Variants in KHDRBS2 observed in about 807,000 individuals in gnomAD.
KHDRBS2 encodes the protein KH domain-containing, RNA-binding, signal transduction-associated protein 2.
In KHDRBS2, 26 loss-of-function variants were observed where a neutral mutation model predicts 44.3. The ratio of observed to expected loss-of-function variants is 0.59; its 90% CI spans 0.43 to 0.81. The LOEUF (loss-of-function observed/expected upper bound fraction) is 0.81. KHDRBS2 is among the 40% of genes least tolerant of loss of function. KHDRBS2 has a pLI of 0.00. For synonymous variants in KHDRBS2, 194 were observed against 151.1 expected, an observed-to-expected ratio of 1.28 and a Z score of -2.08; for missense variants, 476 against 433.1, an observed-to-expected ratio of 1.10 and a Z score of -0.88.
intron 2 of KHDRBS2, among the ~76,000 whole-genome samples, chr6:62,175,631 T>G (rs1820936760): frequency 6.6e-6 from 1 of 151,632 alleles, no homozygotes; most frequent in Non-Finnish European, 1.5e-5. Context: ...TTAAAAATTA[T>G]AAGAGAGACA....
At chr6:61,642,517 C>A in the KHDRBS2 span, among the ~76,000 whole-genome samples, 1 of 147,190 alleles carries the variant, frequency 6.8e-6, no homozygotes, top group East Asian at 2.0e-4. Context: ...AAAAGGTTAG[C>A]CGGGCATGGT....
intron 2 of KHDRBS2, among the ~76,000 whole-genome samples, chr6:62,054,634 C>T (rs917432747): frequency 2.0e-5 from 3 of 151,882 alleles, no homozygotes; most frequent in South Asian, 2.1e-4. Flanking sequence ...AGCATGGGCT[C>T]GAGGGATACA....
chr6:61,589,719 A>G, the KHDRBS2 span, among the ~76,000 whole-genome samples: 2 of 152,264 alleles, frequency 1.3e-5, no homozygotes, highest in Admixed American at 1.3e-4. Flanking sequence ...TCCTTGCCCC[A>G]AGTATTTGGT....
At chr6:61,722,624 C>G (rs1772833328) in intron 7 of KHDRBS2, among the ~76,000 whole-genome samples, 1 of 152,054 alleles carries the variant, frequency 6.6e-6, no homozygotes, top group African/African-American at 2.4e-5. Context: ...AATTCAAAAT[C>G]AGCATTTCTT....
At chr6:61,712,835 T>G (rs1404663086) in intron 7 of KHDRBS2, among the ~76,000 whole-genome samples, 1 of 151,746 alleles carries the variant, frequency 6.6e-6, no homozygotes, top group Non-Finnish European at 1.5e-5. Flanking sequence ...ATACTTCTCT[T>G]TTGCTTCTTT....
At chr6:61,673,460 A>C in the KHDRBS2 span, among the ~76,000 whole-genome samples, 2 of 151,062 alleles carry the variant, frequency 1.3e-5, no homozygotes, top group African/African-American at 4.8e-5. Flanking sequence ...AGGGTATTCA[A>C]ATAGGAAAAG....
chr6:61,650,306 T>G, the KHDRBS2 span, among the ~76,000 whole-genome samples: 1 of 152,100 alleles, frequency 6.6e-6, no homozygotes, highest in African/African-American at 2.4e-5. Context: ...AGTTTGTAAC[T>G]TAAATATTAT....
At chr6:61,645,524 T>TAA in the KHDRBS2 span, among the ~76,000 whole-genome samples, 83,796 of 147,322 alleles carry the variant, frequency 0.57, 23,699 homozygotes, top group Non-Finnish European at 0.59. Flanking sequence ...TTGGCAGCCA[T>TAA]AAAAAAAAAA....
chr6:62,117,415 C>T (rs935022200), intron 2 of KHDRBS2, among the ~76,000 whole-genome samples: 1 of 152,036 alleles, frequency 6.6e-6, no homozygotes, highest in Non-Finnish European at 1.5e-5. Flanking sequence ...TGAGAGATGT[C>T]TATTCAATCA....
At chr6:61,955,115 T>C (rs894759894) in intron 4 of KHDRBS2, among the ~76,000 whole-genome samples, 9 of 135,688 alleles carry the variant, frequency 6.6e-5, no homozygotes, top group African/African-American at 1.9e-4. Context: ...TACACATATG[T>C]GTATATATGT....
intron 3 of KHDRBS2, among the ~76,000 whole-genome samples, chr6:62,030,234 GT>G (rs1416264257): frequency 6.6e-6 from 1 of 152,002 alleles, no homozygotes; most frequent in Non-Finnish European, 1.5e-5. Context: ...TGCAGCATCT[GT>G]TCAAAGTCTG....
intron 7 of KHDRBS2, among the ~76,000 whole-genome samples, chr6:61,731,469 A>G (rs2127560349): frequency 6.6e-6 from 1 of 152,206 alleles, no homozygotes; most frequent in East Asian, 1.9e-4. Context: ...CTAATTGCCC[A>G]CAGTATTCCC....
the KHDRBS2 span, among the ~76,000 whole-genome samples, chr6:61,550,703 C>T: frequency 1.3e-5 from 2 of 151,894 alleles, no homozygotes; most frequent in African/African-American, 2.4e-5. Flanking sequence ...CTATACAACC[C>T]CTCCAGCACA....
chr6:61,595,263 T>C, the KHDRBS2 span, among the ~76,000 whole-genome samples: 2 of 152,126 alleles, frequency 1.3e-5, no homozygotes, highest in Non-Finnish European at 2.9e-5. Flanking sequence ...AGAAATATCT[T>C]CAGGCCCATG....
chr6:61,720,943 A>G (rs1345991777), intron 7 of KHDRBS2, among the ~76,000 whole-genome samples: 14 of 150,542 alleles, frequency 9.3e-5, no homozygotes, highest in South Asian at 8.4e-4. Context: ...TCCATCTTGA[A>G]TTGATTTTTG....
the KHDRBS2 span, among the ~76,000 whole-genome samples, chr6:61,608,315 T>C: frequency 1.3e-5 from 1 of 78,854 alleles, no homozygotes; most frequent in Non-Finnish European, 2.7e-5. Context: ...TATATATATG[T>C]GTGTATATAT....
intron 2 of KHDRBS2, among the ~76,000 whole-genome samples, chr6:62,097,488 T>C (rs1800874366): frequency 6.6e-6 from 1 of 152,066 alleles, no homozygotes; most frequent in South Asian, 2.1e-4. Flanking sequence ...AGAATGACCT[T>C]GTCTCTTTTT....
intron 2 of KHDRBS2, among the ~76,000 whole-genome samples, chr6:62,078,757 T>C (rs555338055): frequency 5.9e-5 from 9 of 152,144 alleles, no homozygotes; most frequent in African/African-American, 1.9e-4. Context: ...GTACATTTAA[T>C]GTACTTTAGT....
chr6:61,827,321 C>T (rs1352126203), intron 6 of KHDRBS2, among the ~76,000 whole-genome samples: 1 of 152,122 alleles, frequency 6.6e-6, no homozygotes, highest in Non-Finnish European at 1.5e-5. Flanking sequence ...CCCCGACTAA[C>T]TTTGTAGAAG....
Sources: gnomAD v4.1 joint callset for allele counts (sites outside exome capture counted in the v4.1 genomes callset) on GRCh38, gnomAD v4.1.1 for gene constraint, MANE v1.5 for transcripts, NCBI Gene and HGNC (gene_info 2026-07-23, HGNC 2026-07-21) for gene names.